TNKS: variants seen among roughly 807,000 people sequenced by gnomAD.
The protein encoded by TNKS is tankyrase, also known as poly [ADP-ribose] polymerase tankyrase-1.
A neutral mutation model predicts 135.8 loss-of-function variants in TNKS; 72 were observed. That is an observed-to-expected ratio of 0.53 (90% CI 0.44 to 0.64). TNKS has a LOEUF of 0.64. Among genes scored for constraint, TNKS ranks in the 30% least tolerant of loss-of-function variants. The pLI, the probability that TNKS is intolerant of heterozygous loss-of-function variation, is 0.00. For synonymous variants in TNKS, 849 were observed against 649.3 expected, an observed-to-expected ratio of 1.31 and a Z score of -4.68; for missense variants, 1,769 against 1,674.0, an observed-to-expected ratio of 1.06 and a Z score of -0.99.
At chr8:9,578,580 C>T (rs961617675) in intron 1 of TNKS, among the ~76,000 whole-genome samples, 4 of 152,136 alleles carry the variant, frequency 2.6e-5, no homozygotes, top group Admixed American at 2.0e-4. Context: ...TTAGAGCCTG[C>T]TTTTCTGGAA....
intron 26 of TNKS, among the ~76,000 whole-genome samples, 189 bp from the exon 27 acceptor site, chr8:9,776,461 T>G (rs1454444762): frequency 6.6e-6 from 1 of 152,206 alleles, no homozygotes; most frequent in Non-Finnish European, 1.5e-5. Context: ...GTTTTCTAGA[T>G]TGTAGGGTTT....
At chr8:9,560,493 CTTTTTTTT>C (rs535715245) in intron 1 of TNKS, among the ~76,000 whole-genome samples, 1 of 42,310 alleles carries the variant, frequency 2.4e-5, no homozygotes, top group Admixed American at 2.6e-4. Flanking sequence ...CCATACTTGT[CTTTTTTTT>C]TTTTTTTTTT....
chr8:9,609,109 G>T (rs1260555093), intron 2 of TNKS, among the ~76,000 whole-genome samples: 2 of 151,834 alleles, frequency 1.3e-5, no homozygotes, highest in African/African-American at 4.8e-5. Context: ...CTTTCAGCTT[G>T]TATTTTATTT....
intron 26 of TNKS, chr8:9,772,240 C>T: frequency 5.4e-6 from 2 of 369,264 alleles, no homozygotes; most frequent in Non-Finnish European, 1.1e-5. Flanking sequence ...TTTCTTATTA[C>T]AGACTTACTT....
chr8:9,720,969 C>G (rs1385563394), intron 12 of TNKS, among the ~76,000 whole-genome samples: 1 of 152,064 alleles, frequency 6.6e-6, no homozygotes, highest in East Asian at 1.9e-4. Flanking sequence ...ATAAAATTAT[C>G]TTGTCTTTTT....
At chr8:9,639,188 T>C (rs1267732527) in intron 3 of TNKS, among the ~76,000 whole-genome samples, 2 of 152,198 alleles carry the variant, frequency 1.3e-5, no homozygotes, top group Admixed American at 6.5e-5. Context: ...CAAATAACAG[T>C]ACTACCTTGT....
intron 3 of TNKS, among the ~76,000 whole-genome samples, chr8:9,647,129 A>G (rs1202529262): frequency 1.3e-5 from 2 of 152,214 alleles, no homozygotes; most frequent in Admixed American, 1.3e-4. Context: ...TTAAAGGTAT[A>G]ACTTTAAAAA....
At chr8:9,638,410 G>A (rs985323922) in intron 3 of TNKS, among the ~76,000 whole-genome samples, 1 of 152,160 alleles carries the variant, frequency 6.6e-6, no homozygotes, top group Non-Finnish European at 1.5e-5. Context: ...AATTATGGCT[G>A]GTTTTGGAAC....
At chr8:9,773,416 A>G (rs1395850258) in intron 26 of TNKS, among the ~76,000 whole-genome samples, 1 of 152,188 alleles carries the variant, frequency 6.6e-6, no homozygotes, top group Non-Finnish European at 1.5e-5. Context: ...TCTCTTTACC[A>G]TGTATTTTAA....
At chr8:9,570,074 A>G (rs984718893) in intron 1 of TNKS, among the ~76,000 whole-genome samples, 1 of 152,122 alleles carries the variant, frequency 6.6e-6, no homozygotes, top group Admixed American at 6.5e-5. Context: ...ATTTTGCTAT[A>G]TATTAAGAGG....
intron 3 of TNKS, among the ~76,000 whole-genome samples, chr8:9,621,456 G>C (rs1327362468): frequency 6.6e-6 from 1 of 152,040 alleles, no homozygotes; most frequent in African/African-American, 2.4e-5. Flanking sequence ...ACAGGCATGT[G>C]CCACCACGCT....
chr8:9,766,155 A>G (rs1390207454), intron 24 of TNKS, 84 bp from the exon 25 acceptor site: 11 of 1,187,488 alleles, frequency 9.3e-6, no homozygotes, highest in Non-Finnish European at 1.3e-5. Flanking sequence ...CTTAATATTA[A>G]CCTGCCCGAT....
chr8:9,670,289 A>C (rs1252369671), intron 3 of TNKS: 1 of 152,190 alleles, frequency 6.6e-6, no homozygotes, highest in African/African-American at 2.4e-5. Context: ...AGTCTGTCTA[A>C]ATATAAGTCA....
rs543896028 is a variant in TNKS at position 9,602,405 on chromosome 8, G to A, written c.899-13177G>A. 5.9e-5 allele frequency among the ~76,000 whole-genome samples: 9 copies of A among 152,272 alleles called. No individual in the cohort carries two copies. The East Asian group carries it at 1.5e-3, about 26-fold the overall frequency. Reference sequence around the variant, plus strand: ...GGAAGAGCCAGTAGAAGAGAGAGAGGCAGAAAGCCCACGCCTCCTCACAAA... The same window carrying A: ...GGAAGAGCCAGTAGAAGAGAGAGAGACAGAAAGCCCACGCCTCCTCACAAA... On this transcript the variant is annotated intron_variant, in intron 2 of 26. Coordinates refer to ENST00000310430, the MANE Select transcript of TNKS (RefSeq NM_003747.3).
chr8:9,613,126 A>C (rs1441696494), intron 2 of TNKS, among the ~76,000 whole-genome samples: 3 of 152,138 alleles, frequency 2.0e-5, no homozygotes, highest in Non-Finnish European at 4.4e-5. Context: ...ATGCAGTTCA[A>C]ACTTGTGTTA....
In TNKS at chr8:9,777,072, T is replaced by A. The variant is rs1808258843; in HGVS notation, c.*336T>A. ...CCAATGCTTTTTCAAATGTTCACAATTCACACACTACATTTGTTTTGTTAT... is the reference window on the plus strand; with the variant it reads ...CCAATGCTTTTTCAAATGTTCACAAATCACACACTACATTTGTTTTGTTAT... On this transcript the variant is annotated 3_prime_UTR_variant, in exon 27 of 27. Transcript: ENST00000310430. 3.6e-6 allele frequency: 1 copy of A among 275,972 alleles called. No individual in the cohort carries two copies. The highest frequency in any genetic ancestry group is 2.1e-5 in the African/African-American group (1 of 46,706). The allele number at this position is 275,972 out of a possible 1,614,324, so 17.1% of individuals were successfully genotyped here.
At chr8:9,583,700 G>C (rs1798257748) in intron 2 of TNKS, among the ~76,000 whole-genome samples, 1 of 151,880 alleles carries the variant, frequency 6.6e-6, no homozygotes, top group South Asian at 2.1e-4. Context: ...TGTTGGCCAG[G>C]ATGCTCTCGA....
chr8:9,695,991 T>C (rs989336765), intron 5 of TNKS, among the ~76,000 whole-genome samples: 2 of 152,206 alleles, frequency 1.3e-5, no homozygotes, highest in African/African-American at 2.4e-5. Context: ...ACATATATCA[T>C]GTAGTGATGT....
intron 2 of TNKS, among the ~76,000 whole-genome samples, chr8:9,580,846 A>C (rs562855349): frequency 1.3e-5 from 2 of 152,170 alleles, no homozygotes; most frequent in African/African-American, 4.8e-5. Context: ...TAATCGTTTC[A>C]ATATGTGCCA....
Sources: gnomAD v4.1 joint callset for allele counts (sites outside exome capture counted in the v4.1 genomes callset) on GRCh38, gnomAD v4.1.1 for gene constraint, MANE v1.5 for transcripts, NCBI Gene and HGNC (gene_info 2026-07-23, HGNC 2026-07-21) for gene names.